Variants in NRG1 observed in about 807,000 individuals in gnomAD.
NRG1 encodes pro-neuregulin-1, membrane-bound isoform.
Under a neutral mutation model 63.8 loss-of-function variants are expected in NRG1, and 18 were observed. That is an observed-to-expected ratio of 0.28 (90% confidence interval 0.19 to 0.42). The LOEUF is 0.42. Among genes scored for constraint, NRG1 ranks in the 10% least tolerant of loss-of-function variants. The pLI is 1.00. For synonymous variants in NRG1, 302 were observed against 301.3 expected (o/e 1.00, Z -0.02); for missense variants, 762 against 814.7 (o/e 0.94, Z 0.79).
intron 1 of NRG1, among the ~76,000 whole-genome samples, chr8:32,592,558 C>G (rs2129536551): frequency 6.6e-6 from 1 of 151,916 alleles, no homozygotes; most frequent in African/African-American, 2.4e-5. Context: ...AATCAAAACC[C>G]CTAATACAGA....
intron 1 of NRG1, among the ~76,000 whole-genome samples, chr8:32,539,449 A>G (rs1039422571): frequency 2.6e-5 from 4 of 152,188 alleles, no homozygotes; most frequent in African/African-American, 7.2e-5. Context: ...ACACTGTAGA[A>G]TTGGGGGCAC....
chr8:32,751,683 C>A (rs1828768154), intron 7 of NRG1, among the ~76,000 whole-genome samples: 1 of 152,166 alleles, frequency 6.6e-6, no homozygotes, highest in African/African-American at 2.4e-5. Context: ...ATTCTATGGG[C>A]CTTCGCTTGA....
At chr8:32,103,607 C>T (rs539144696) in intron 1 of NRG1, among the ~76,000 whole-genome samples, 1 of 152,278 alleles carries the variant, frequency 6.6e-6, no homozygotes, top group African/African-American at 2.4e-5. Context: ...GGGGAAATCC[C>T]AAACTGCTCT....
At chr8:31,970,275 G>T (rs1807063916) in intron 1 of NRG1, among the ~76,000 whole-genome samples, 1 of 152,152 alleles carries the variant, frequency 6.6e-6, no homozygotes, top group African/African-American at 2.4e-5. Flanking sequence ...AGGACTAAAG[G>T]TATCTCTTTG....
At chr8:32,063,224 T>A (rs1222718234) in intron 1 of NRG1, 1 of 152,100 alleles carries the variant, frequency 6.6e-6, no homozygotes, top group Non-Finnish European at 1.5e-5. Flanking sequence ...TAGGCTTCAC[T>A]GAGTATCCGT....
At chr8:32,488,249 G>A (rs546587012) in intron 1 of NRG1, among the ~76,000 whole-genome samples, 8 of 152,052 alleles carry the variant, frequency 5.3e-5, no homozygotes, top group Non-Finnish European at 8.8e-5. Flanking sequence ...CATACTTTTC[G>A]TTCTTATAAT....
chr8:32,758,883 A>G (rs574886324), intron 9 of NRG1, among the ~76,000 whole-genome samples: 1 of 152,280 alleles, frequency 6.6e-6, no homozygotes, highest in Admixed American at 6.5e-5. Flanking sequence ...ATTTGAAACT[A>G]TACAAATCAC....
intron 1 of NRG1, among the ~76,000 whole-genome samples, chr8:32,353,251 G>T (rs955687795): frequency 6.7e-6 from 1 of 149,742 alleles, no homozygotes; most frequent in Non-Finnish European, 1.5e-5. Flanking sequence ...TTATTATTAT[G>T]ATACAATTAT....
At chr8:31,682,440 A>G (rs1238449837) in intron 1 of NRG1, among the ~76,000 whole-genome samples, 2 of 152,188 alleles carry the variant, frequency 1.3e-5, no homozygotes, top group Non-Finnish European at 2.9e-5. Flanking sequence ...CGTTAGCAGA[A>G]TGATTTTAAA....
At chr8:32,510,125 A>AATCATCATCATCATC (rs147438974) in intron 1 of NRG1, among the ~76,000 whole-genome samples, 24 of 148,054 alleles carry the variant, frequency 1.6e-4, no homozygotes, top group Admixed American at 5.4e-4. Context: ...TAATAATAAT[A>AATCATCATCATCATC]ATCATAAAAG....
intron 1 of NRG1, among the ~76,000 whole-genome samples, chr8:32,069,776 A>G (rs1305428730): frequency 6.6e-6 from 1 of 152,072 alleles, no homozygotes; most frequent in African/African-American, 2.4e-5. Context: ...ACTGAGGGGC[A>G]CTCAGTTCAC....
intron 1 of NRG1, among the ~76,000 whole-genome samples, chr8:31,928,643 T>TAC (rs1171062887): frequency 1.6e-5 from 1 of 60,786 alleles, no homozygotes; most frequent in Non-Finnish European, 5.7e-5. Context: ...ATACTATATA[T>TAC]ATATATACAC....
At chr8:31,740,941 C>G (rs1815208834) in intron 1 of NRG1, among the ~76,000 whole-genome samples, 1 of 152,034 alleles carries the variant, frequency 6.6e-6, no homozygotes, top group Non-Finnish European at 1.5e-5. Flanking sequence ...CAGCACTATT[C>G]ACAGTAGCAA....
At chr8:32,385,191 T>C (rs1473436924) in intron 1 of NRG1, among the ~76,000 whole-genome samples, 1 of 152,022 alleles carries the variant, frequency 6.6e-6, no homozygotes, top group East Asian at 1.9e-4. Context: ...GGCTAATTTT[T>C]TTTTTTCTCT....
chr8:32,447,240 G>A (rs1401477497), intron 1 of NRG1, among the ~76,000 whole-genome samples: 2 of 151,790 alleles, frequency 1.3e-5, no homozygotes, highest in East Asian at 2.0e-4. Context: ...GGCCAGGCTG[G>A]TCTTGAACTC....
At chr8:32,083,681 T>C (rs1254349773) in intron 1 of NRG1, among the ~76,000 whole-genome samples, 1 of 145,428 alleles carries the variant, frequency 6.9e-6, no homozygotes, top group African/African-American at 2.6e-5. Context: ...CTGGGTTTGT[T>C]CTAAATTTTA....
intron 1 of NRG1, among the ~76,000 whole-genome samples, chr8:31,780,473 C>G (rs985218793): frequency 6.6e-6 from 1 of 152,126 alleles, no homozygotes; most frequent in Non-Finnish European, 1.5e-5. Flanking sequence ...GAATGATTCC[C>G]TAGAATTATT....
chr8:31,910,909 C>G (rs1209359746), intron 1 of NRG1, among the ~76,000 whole-genome samples: 1 of 152,110 alleles, frequency 6.6e-6, no homozygotes, highest in Admixed American at 6.6e-5. Flanking sequence ...GAAGTCAATA[C>G]AAAGAAGGCA....
chr8:32,477,488 A>G (rs1720377904), intron 1 of NRG1, among the ~76,000 whole-genome samples: 1 of 152,224 alleles, frequency 6.6e-6, no homozygotes, highest in Admixed American at 6.5e-5. Context: ...ATTTTCATAT[A>G]TTAATGTCAC....
Sources: gnomAD v4.1 joint callset for allele counts (sites outside exome capture counted in the v4.1 genomes callset) on GRCh38, gnomAD v4.1.1 for gene constraint, MANE v1.5 for transcripts, NCBI Gene and HGNC (gene_info 2026-07-23, HGNC 2026-07-21) for gene names.